The following CACNA2D1 variants were observed in gnomAD, a reference collection of about 807,000 sequenced individuals.
CACNA2D1 encodes the protein voltage-dependent calcium channel subunit alpha-2/delta-1.
A neutral mutation model predicts 171.5 loss-of-function variants in CACNA2D1; 53 were observed. The observed-to-expected ratio is 0.31, with a 90% CI of 0.25 to 0.39. CACNA2D1 has a LOEUF of 0.39. Among genes scored for constraint, CACNA2D1 ranks in the 10% least tolerant of loss-of-function variants. The pLI is 1.00. For synonymous variants in CACNA2D1, 442 were observed against 443.1 expected (o/e 1.00, Z 0.03); for missense variants, 903 against 1,299.8 (o/e 0.69, Z 4.69).
At chr7:82,208,536 T>G (rs1800237016) in intron 3 of CACNA2D1, among the ~76,000 whole-genome samples, 1 of 152,158 alleles carries the variant, frequency 6.6e-6, no homozygotes, top group African/African-American at 2.4e-5. Flanking sequence ...ATAAATCACT[T>G]AAGATGAGTG....
chr7:82,048,685 CTAAA>C (rs915242928), intron 10 of CACNA2D1, among the ~76,000 whole-genome samples: 2 of 151,962 alleles, frequency 1.3e-5, no homozygotes, highest in African/African-American at 4.8e-5. Context: ...TTTAAGCCTA[CTAAA>C]TAATTAAGAA....
intron 12 of CACNA2D1, among the ~76,000 whole-genome samples, chr7:82,023,555 A>C (rs1584450992): frequency 6.6e-6 from 1 of 150,764 alleles, no homozygotes; most frequent in East Asian, 1.9e-4. Flanking sequence ...GTATTAAACA[A>C]GAGGCTTGGG....
chr7:82,420,823 C>T lies in CACNA2D1; in HGVS notation c.95+22542G>A, dbSNP rs577771181. Among the ~76,000 whole-genome samples, 305 of 148,490 alleles carry T rather than the reference C, an allele frequency of 2.1e-3. 2 individuals are homozygous for T. The highest frequency in any genetic ancestry group is 3.5e-3 in the Middle Eastern group (1 of 284). On this transcript the variant is annotated intron_variant, in intron 1 of 38. Coordinates refer to ENST00000356860, the MANE Select transcript of CACNA2D1 (RefSeq NM_000722.4). ...ATGACAAAAAATAGAAAAATCATAG[C>T]GAGCAGGAAAAAAAAAAAAATAAGG...
chr7:82,179,634 T>A (rs1176672001), intron 3 of CACNA2D1, among the ~76,000 whole-genome samples: 3 of 152,112 alleles, frequency 2.0e-5, no homozygotes, highest in Non-Finnish European at 2.9e-5. Flanking sequence ...CTAGCAATTA[T>A]TTTTTACTAC....
intron 24 of CACNA2D1, among the ~76,000 whole-genome samples, chr7:81,982,181 G>C (rs1251636697): frequency 6.6e-6 from 1 of 151,910 alleles, no homozygotes; most frequent in African/African-American, 2.4e-5. Flanking sequence ...TGAGGCAAGA[G>C]TGCAGTGGCA....
In CACNA2D1 at chr7:82,005,506, GAA is replaced by G. The variant is rs576139922; in HGVS notation, c.1516-11_1516-10del. On this transcript the variant is annotated splice_polypyrimidine_tract_variant and intron_variant, in intron 17 of 38. Coordinates refer to ENST00000356860, the MANE Select transcript of CACNA2D1 (RefSeq NM_000722.4). ...TACCCATTGGGGCACAGCTGGAAAA[GAA>G]AAAAAAAAAAAAGCTTGGATATGCC... 4,301 of 1,174,770 alleles carry G rather than the reference GAA, an allele frequency of 3.7e-3. No individual in the cohort carries two copies. Among genetic ancestry groups the G allele is most frequent in the Non-Finnish European group, 4.3e-3 (3,665 of 848,276 alleles). 72.8% of individuals were successfully genotyped at this position (1,174,770 alleles called of 1,614,324 possible). A position where few individuals can be genotyped will look rare whatever the true frequency, so the allele number is the denominator to read the frequency against.
At chr7:82,003,909 C>T (rs1345564098) in intron 18 of CACNA2D1, among the ~76,000 whole-genome samples, 1 of 151,984 alleles carries the variant, frequency 6.6e-6, no homozygotes, top group Non-Finnish European at 1.5e-5. Flanking sequence ...CCACACCCGG[C>T]TAATTTTGTA....
At chr7:82,121,760 C>T (rs1789760411) in intron 5 of CACNA2D1, among the ~76,000 whole-genome samples, 1 of 105,710 alleles carries the variant, frequency 9.5e-6, no homozygotes, top group Non-Finnish European at 1.9e-5. Context: ...AAATATTGTT[C>T]TTGCAAAAAA....
intron 6 of CACNA2D1, among the ~76,000 whole-genome samples, chr7:82,099,936 G>C (rs184507939): frequency 6.6e-6 from 1 of 152,134 alleles, no homozygotes; most frequent in South Asian, 2.1e-4. Flanking sequence ...GGCCTGTCAG[G>C]GGGTAGGAGA....
chr7:82,244,918 T>C (rs544440403), intron 3 of CACNA2D1, among the ~76,000 whole-genome samples: 32 of 152,196 alleles, frequency 2.1e-4, no homozygotes, highest in Non-Finnish European at 4.4e-4. Flanking sequence ...AACATACTTA[T>C]ATAAACACAA....
intron 3 of CACNA2D1, among the ~76,000 whole-genome samples, chr7:82,188,112 G>A (rs1797950827): frequency 6.6e-6 from 1 of 152,110 alleles, no homozygotes; most frequent in East Asian, 1.9e-4. Flanking sequence ...ATTTGTGAAG[G>A]CTCTGCCCTC....
chr7:82,000,302 G>C (rs1435453689), intron 18 of CACNA2D1, among the ~76,000 whole-genome samples: 1 of 151,942 alleles, frequency 6.6e-6, no homozygotes, highest in Non-Finnish European at 1.5e-5. Flanking sequence ...AAACTATGTA[G>C]AGGCCTGGTC....
chr7:82,069,678 G>T (rs545062098), intron 7 of CACNA2D1, among the ~76,000 whole-genome samples: 1 of 149,882 alleles, frequency 6.7e-6, no homozygotes, highest in African/African-American at 2.5e-5. Flanking sequence ...GCCATTTTCT[G>T]GTTAACATGG....
At chr7:82,221,853 A>C (rs749800823) in intron 3 of CACNA2D1, among the ~76,000 whole-genome samples, 6 of 151,772 alleles carry the variant, frequency 4.0e-5, no homozygotes, top group Non-Finnish European at 8.8e-5. Context: ...TTTCTATAAT[A>C]TTTCTTTTTG....
chr7:82,147,255 T>C (rs1231102212), intron 4 of CACNA2D1, among the ~76,000 whole-genome samples: 1 of 152,144 alleles, frequency 6.6e-6, no homozygotes, highest in Admixed American at 6.5e-5. Flanking sequence ...TTAAGAGCTA[T>C]ATCAATTTAT....
chr7:82,111,444 ATTTTTTTTT>A (rs869125211), intron 6 of CACNA2D1, among the ~76,000 whole-genome samples: 2 of 69,968 alleles, frequency 2.9e-5, no homozygotes, highest in African/African-American at 1.4e-4. Context: ...ATATATATAT[ATTTTTTTTT>A]TTTTTTTTTT....
At chr7:82,271,455 A>T (rs1044293676) in intron 3 of CACNA2D1, among the ~76,000 whole-genome samples, 3 of 152,120 alleles carry the variant, frequency 2.0e-5, no homozygotes, top group Non-Finnish European at 4.4e-5. Flanking sequence ...TTATAATTGT[A>T]TTCATTTTCT....
chr7:82,147,636 A>G (rs1373745529), intron 4 of CACNA2D1, among the ~76,000 whole-genome samples: 2 of 152,220 alleles, frequency 1.3e-5, no homozygotes, highest in Non-Finnish European at 2.9e-5. Flanking sequence ...GCACTTGATC[A>G]TAATATATGA....
chr7:82,138,849 C>T (rs1792023186), intron 4 of CACNA2D1, among the ~76,000 whole-genome samples: 1 of 152,054 alleles, frequency 6.6e-6, no homozygotes, highest in South Asian at 2.1e-4. Flanking sequence ...GTTTATTGAT[C>T]CTGCTTGTAC....
Sources: gnomAD v4.1 joint callset for allele counts (sites outside exome capture counted in the v4.1 genomes callset) on GRCh38, gnomAD v4.1.1 for gene constraint, MANE v1.5 for transcripts, NCBI Gene and HGNC (gene_info 2026-07-23, HGNC 2026-07-21) for gene names.